Variants in HYKK observed in about 807,000 individuals in gnomAD.
HYKK encodes 5-hydroxy-L-lysine kinase.
In HYKK, 19 loss-of-function variants were observed where a neutral mutation model predicts 29.7. The observed-to-expected ratio is 0.64, with a 90% CI of 0.45 to 0.94. The LOEUF (loss-of-function observed/expected upper bound fraction) is 0.94. HYKK is among the 40% of genes least tolerant of loss of function. The probability of loss-of-function intolerance (pLI) is 0.00; values close to 1 mark genes in which losing one functional copy is unlikely to be tolerated. For missense variants in HYKK, 390 were observed against 443.4 expected (o/e 0.88, Z 1.08); for synonymous variants, 152 against 158.1 (o/e 0.96, Z 0.29).
intron 3 of HYKK, among the ~76,000 whole-genome samples, chr15:78,519,454 T>G (rs1159818833): frequency 6.6e-6 from 1 of 152,182 alleles, no homozygotes; most frequent in Non-Finnish European, 1.5e-5. Context: ...CATATTAATT[T>G]TGTTTAGAAA....
intron 1 of HYKK, among the ~76,000 whole-genome samples, chr15:78,512,683 C>G (rs1050650170): frequency 1.3e-5 from 2 of 151,856 alleles, no homozygotes; most frequent in Non-Finnish European, 2.9e-5. Context: ...ATTACAGGCT[C>G]GAGCCACCAC....
chr15:78,522,885 A>C (rs956137412), intron 3 of HYKK, among the ~76,000 whole-genome samples: 7 of 152,066 alleles, frequency 4.6e-5, no homozygotes, highest in Non-Finnish European at 8.8e-5. Context: ...TCTCAGAAAA[A>C]AAAAAGAAAA....
At chr15:78,512,693 C>T (rs965228983) in intron 1 of HYKK, among the ~76,000 whole-genome samples, 7 of 152,214 alleles carry the variant, frequency 4.6e-5, no homozygotes, top group Non-Finnish European at 8.8e-5. Flanking sequence ...CGAGCCACCA[C>T]GTCCAGCCCC....
Position 78,533,259 on chromosome 15 carries a change from C to G in HYKK, c.711C>G (p.Ser237Arg). ...ACCATAATATTTTAATAGAGTCCAG[C>G]AAGTCAGCCTCTGGAAATGCTGAAT... ...LNDHNILIES[S>R]KSASGNAEYQ... Residue 237 changes from serine (S) to arginine (R), a missense_variant, in exon 5 of 5, where the codon AGC (serine) becomes AGG (arginine). Transcript: ENST00000388988. The G allele has an allele frequency of 6.2e-7, 1 of 1,613,308 alleles. No individual in the cohort carries two copies. The highest frequency in any genetic ancestry group is 8.5e-7 in the Non-Finnish European group (1 of 1,179,274).
intron 4 of HYKK, among the ~76,000 whole-genome samples, chr15:78,532,713 C>T (rs1223038891): frequency 6.6e-6 from 1 of 152,124 alleles, no homozygotes; most frequent in Non-Finnish European, 1.5e-5. Context: ...AGGAGAATTG[C>T]TTGAACCCAG....
chr15:78,517,543 C>T (rs138859481), intron 3 of HYKK, among the ~76,000 whole-genome samples: 1,750 of 151,990 alleles, frequency 0.012, 49 homozygotes, highest in African/African-American at 0.039. Context: ...TGCACCACTG[C>T]ACTCCAATCT....
chr15:78,525,209 G>T (rs929244430), intron 3 of HYKK, among the ~76,000 whole-genome samples: 8 of 151,976 alleles, frequency 5.3e-5, no homozygotes, highest in South Asian at 2.1e-4. Context: ...AGGCTGGAGT[G>T]CAGTGGTGCG....
At chr15:78,517,434 C>T (rs1175694627) in intron 3 of HYKK, among the ~76,000 whole-genome samples, 1 of 152,060 alleles carries the variant, frequency 6.6e-6, no homozygotes, top group Admixed American at 6.5e-5. Context: ...CAAAAATTAG[C>T]TGGGCATGGT....
In HYKK at chr15:78,535,543, T is replaced by G. The variant is rs963221346; in HGVS notation, c.*1873T>G. Reference sequence around the variant, plus strand: ...GCTTAACACAGTGTGTGGCACATAGTTAGGACTCAGTAACTATTTACTCAA... The same window carrying G: ...GCTTAACACAGTGTGTGGCACATAGGTAGGACTCAGTAACTATTTACTCAA... On this transcript the variant is annotated 3_prime_UTR_variant, in exon 5 of 5. Transcript: ENST00000388988. The G allele has an allele frequency of 7.9e-5, 12 of 152,162 alleles. No individual in the cohort carries two copies. The highest frequency in any genetic ancestry group is 2.7e-4 in the African/African-American group (11 of 41,432). 9.4% of individuals were successfully genotyped at this position (152,162 alleles called of 1,614,324 possible). A position where few individuals can be genotyped will look rare whatever the true frequency, so the allele number is the denominator to read the frequency against.
At chr15:78,522,411 T>G (rs1483790504) in intron 3 of HYKK, among the ~76,000 whole-genome samples, 1 of 149,916 alleles carries the variant, frequency 6.7e-6, no homozygotes. Flanking sequence ...TTTTTTTAAT[T>G]AGCTGGGTGT....
intron 3 of HYKK, among the ~76,000 whole-genome samples, chr15:78,523,372 A>G (rs750476813): frequency 6.6e-6 from 1 of 152,152 alleles, no homozygotes; most frequent in Non-Finnish European, 1.5e-5. Flanking sequence ...ACTCACTGTC[A>G]TGAGAGCAGC....
At chr15:78,514,264 T>C (rs946390928) in intron 2 of HYKK, among the ~76,000 whole-genome samples, 3 of 152,170 alleles carry the variant, frequency 2.0e-5, no homozygotes, top group South Asian at 2.1e-4. Context: ...CTTGGACACA[T>C]AGACCACTTA....
chr15:78,520,994 G>C (rs2052190305), intron 3 of HYKK, among the ~76,000 whole-genome samples: 1 of 152,128 alleles, frequency 6.6e-6, no homozygotes, highest in East Asian at 1.9e-4. Flanking sequence ...TCCCGGACGG[G>C]GCGGCTGAGG....
intron 1 of HYKK, among the ~76,000 whole-genome samples, chr15:78,512,547 G>A (rs921211577): frequency 4.0e-5 from 6 of 151,108 alleles, no homozygotes; most frequent in Non-Finnish European, 7.4e-5. Context: ...GATTACAGGC[G>A]CCCACCACCA....
chr15:78,525,183 T>C (rs1265533740), intron 3 of HYKK, among the ~76,000 whole-genome samples: 1 of 152,126 alleles, frequency 6.6e-6, no homozygotes, highest in East Asian at 1.9e-4. Context: ...TGAGATGGAG[T>C]CTCGCTCTGT....
chr15:78,526,812 G>A (rs992101224), intron 3 of HYKK, among the ~76,000 whole-genome samples: 6 of 152,186 alleles, frequency 3.9e-5, no homozygotes, highest in African/African-American at 1.2e-4. Flanking sequence ...GCACAGATAT[G>A]AAGGCTTACT....
chr15:78,522,459 T>C (rs1485683434), intron 3 of HYKK, among the ~76,000 whole-genome samples: 1 of 147,620 alleles, frequency 6.8e-6, no homozygotes, highest in Non-Finnish European at 1.5e-5. Flanking sequence ...TTGTGGAGGC[T>C]GAGGCAGGAG....
intron 3 of HYKK, among the ~76,000 whole-genome samples, chr15:78,521,920 G>A (rs1227575412): frequency 6.6e-6 from 1 of 151,680 alleles, no homozygotes; most frequent in African/African-American, 2.4e-5. Context: ...AGCCTTCCCC[G>A]AGTAGACTGT....
chr15:78,520,689 C>T (rs977872846), intron 3 of HYKK, among the ~76,000 whole-genome samples: 1 of 152,140 alleles, frequency 6.6e-6, no homozygotes, highest in Non-Finnish European at 1.5e-5. Flanking sequence ...TTCCCCACCT[C>T]TCCCCCCTTT....
Sources: gnomAD v4.1 joint callset for allele counts (sites outside exome capture counted in the v4.1 genomes callset) on GRCh38, gnomAD v4.1.1 for gene constraint, MANE v1.5 for transcripts, NCBI Gene and HGNC (gene_info 2026-07-23, HGNC 2026-07-21) for gene names.